The following NBEA variants were observed in gnomAD, a reference collection of about 807,000 sequenced individuals.
NBEA encodes lysosomal-trafficking regulator 2.
NBEA carries 44 observed loss-of-function variants against 343.4 expected under a neutral mutation model. The observed-to-expected ratio is 0.13, with a 90% CI of 0.10 to 0.16. The LOEUF is 0.16. Among genes scored for constraint, NBEA ranks in the 10% least tolerant of loss-of-function variants. The probability of loss-of-function intolerance (pLI) is 1.00; values close to 1 mark genes in which losing one functional copy is unlikely to be tolerated. For missense variants in NBEA, 2,555 were observed against 3,631.3 expected, an observed-to-expected ratio of 0.70 and a Z score of 7.62; for synonymous variants, 1,175 against 1,238.7, an observed-to-expected ratio of 0.95 and a Z score of 1.08.
At chr13:35,118,659 T>A (rs2066630156) in intron 16 of NBEA, among the ~76,000 whole-genome samples, 185 bp downstream of exon 16, 1 of 152,048 alleles carries the variant, frequency 6.6e-6, no homozygotes, top group Non-Finnish European at 1.5e-5. Context: ...TAAACAGTAG[T>A]CTCAGGAATC....
At chr13:34,978,033 T>G (rs972559032) in intron 1 of NBEA, among the ~76,000 whole-genome samples, 3 of 152,038 alleles carry the variant, frequency 2.0e-5, no homozygotes, top group Non-Finnish European at 4.4e-5. Flanking sequence ...ACTCAAACTC[T>G]TAGTCTCAAG....
intron 11 of NBEA, among the ~76,000 whole-genome samples, chr13:35,108,031 A>G (rs1391582899): frequency 6.6e-6 from 1 of 152,246 alleles, no homozygotes; most frequent in Middle Eastern, 3.4e-3. Flanking sequence ...GCTTAAGTCA[A>G]ATATATTGAG....
intron 35 of NBEA, among the ~76,000 whole-genome samples, chr13:35,304,600 G>A (rs187503303): frequency 6.6e-6 from 1 of 152,180 alleles, no homozygotes; most frequent in Admixed American, 6.5e-5. Flanking sequence ...GTTTTCATAA[G>A]TCTTCTGTGT....
intron 17 of NBEA, among the ~76,000 whole-genome samples, chr13:35,137,845 TAGAA>T (rs2067830439): frequency 6.6e-6 from 1 of 152,018 alleles, no homozygotes; most frequent in Non-Finnish European, 1.5e-5. Flanking sequence ...AATGCTATAG[TAGAA>T]AGAATGAGTA....
rs533560716 is a variant in NBEA, at chr13:35,280,963, G to T, written c.5777-9426G>T. ...ACTAGAAGTGTTTTTTTAAAATTAC[G>T]AAGTGACTCACATACTGACTTCTTT... is the stretch of plus-strand genomic sequence containing the variant. On this transcript the variant is annotated intron_variant, in intron 34 of 58. Transcript: ENST00000379939. Among the ~76,000 whole-genome samples the T allele has an allele frequency of 5.9e-5, 9 of 151,784 alleles. No homozygotes were observed. The South Asian group carries it at 1.9e-3, about 32-fold the overall frequency.
At position 35,646,108 on chromosome 13, in the gene NBEA, G is replaced by A. The variant is rs1402680347; in HGVS notation, c.7681-151G>A. 5.7e-6 allele frequency: 4 copies of A among 704,478 alleles called. No individual in the cohort carries two copies. In the East Asian group the frequency reaches 1.1e-4, roughly 19 times the overall value. 43.6% of individuals were successfully genotyped at this position (704,478 alleles called of 1,614,324 possible). A position where few individuals can be genotyped will look rare whatever the true frequency, so the allele number is the denominator to read the frequency against. The stretch of plus-strand genomic sequence containing the variant: ...CTTGTCTACAAAATACTAACACTTG[G>A]ATGATTCTGCACCCTGAGAAAAGAG... On this transcript the variant is annotated intron_variant, in intron 50 of 58. Transcript: ENST00000379939.
At chr13:35,642,892 C>A (rs971157450) in intron 49 of NBEA, among the ~76,000 whole-genome samples, 1 of 150,806 alleles carries the variant, frequency 6.6e-6, no homozygotes, top group African/African-American at 2.4e-5. Flanking sequence ...TTTCATTTTA[C>A]CAGTATCATT....
intron 35 of NBEA, among the ~76,000 whole-genome samples, chr13:35,299,497 A>G (rs1321631980): frequency 2.6e-5 from 4 of 152,186 alleles, no homozygotes; most frequent in African/African-American, 9.7e-5. Flanking sequence ...TTTGTCTTCA[A>G]AGTGTTTAGT....
At chr13:35,102,414 C>CAT (rs200197300) in intron 11 of NBEA, among the ~76,000 whole-genome samples, 11 of 151,240 alleles carry the variant, frequency 7.3e-5, no homozygotes, top group African/African-American at 2.7e-4. Flanking sequence ...TTTCCATTTC[C>CAT]ATATATATAT....
chr13:35,003,180 C>T (rs575719883), intron 1 of NBEA, among the ~76,000 whole-genome samples: 53 of 152,088 alleles, frequency 3.5e-4, no homozygotes, highest in African/African-American at 1.3e-3. Flanking sequence ...TAGTATGAGC[C>T]TGGGCAATAT....
rs747690041 is a variant in NBEA at position 34,943,061 on chromosome 13, A to G, written c.241A>G (p.Ile81Val). The part of the protein sequence containing the change: ...RMKFAVLIGL[I>V]QVGEVSNRDI... ...GAAATTCGCAGTGTTGATTGGACTCATACAGGTCGGAGAGGTCAGCAACAG... is the reference window on the plus strand; with the variant it reads ...GAAATTCGCAGTGTTGATTGGACTCGTACAGGTCGGAGAGGTCAGCAACAG... The change falls in exon 1 of 59, where the codon ATA becomes GTA. Residue 81 changes from isoleucine (I) to valine (V), a missense_variant. Physicochemically the swap from Ile to Val is conservative, Grantham distance 29 (BLOSUM62 3). This residue lies in a region of NBEA where 185 missense variants were observed against 290.6 expected (regional missense o/e 0.64). Transcript: ENST00000379939. The G allele has an allele frequency of 6.2e-7, 1 of 1,613,734 alleles. No individual in the cohort carries two copies. The highest frequency in any genetic ancestry group is 8.5e-7 in the Non-Finnish European group (1 of 1,179,786).
At chr13:35,326,334 C>T (rs1394390169) in intron 36 of NBEA, among the ~76,000 whole-genome samples, 1 of 151,800 alleles carries the variant, frequency 6.6e-6, no homozygotes, top group Non-Finnish European at 1.5e-5. Context: ...TATTGTTATC[C>T]TTGTAGAGAT....
chr13:35,110,438 G>A (rs2066144001), intron 12 of NBEA, among the ~76,000 whole-genome samples: 1 of 152,042 alleles, frequency 6.6e-6, no homozygotes, highest in Non-Finnish European at 1.5e-5. Flanking sequence ...GCTGACTGAT[G>A]TTCTATTGCT....
At chr13:35,551,375 C>A (rs2079315932) in intron 43 of NBEA, among the ~76,000 whole-genome samples, 1 of 151,982 alleles carries the variant, frequency 6.6e-6, no homozygotes, top group African/African-American at 2.4e-5. Flanking sequence ...TATGTAATAG[C>A]ATATAAATAA....
At chr13:34,980,548 T>C (rs938434798) in intron 1 of NBEA, among the ~76,000 whole-genome samples, 1 of 152,048 alleles carries the variant, frequency 6.6e-6, no homozygotes, top group Non-Finnish European at 1.5e-5. Flanking sequence ...TTAATCCTAA[T>C]GCAACATTCT....
At chr13:35,223,469 T>A (rs2074486938) in intron 33 of NBEA, among the ~76,000 whole-genome samples, 1 of 152,246 alleles carries the variant, frequency 6.6e-6, no homozygotes, top group Non-Finnish European at 1.5e-5. Flanking sequence ...TCATTTCTTC[T>A]GGCTTGCACA....
chr13:35,648,180 CTTTTTTTTTTTTT>C (rs949635885), intron 51 of NBEA, among the ~76,000 whole-genome samples: 8 of 104,154 alleles, frequency 7.7e-5, no homozygotes, highest in Non-Finnish European at 1.4e-4. Context: ...TGTTTAAACT[CTTTTTTTTTTTTT>C]TTTTTTTTTT....
chr13:35,651,788 C>CT lies in NBEA; in HGVS notation c.7964-10dup, dbSNP rs1566463140. Reference sequence around the variant, plus strand: ...GAGAATTTTATGTTAGTTTTTCTCTCTTTTTTTAATCTTTAGGCCTCAGAG... The same window carrying CT: ...GAGAATTTTATGTTAGTTTTTCTCTCTTTTTTTTAATCTTTAGGCCTCAGAG... On this transcript the variant is annotated splice_polypyrimidine_tract_variant and intron_variant, in intron 52 of 58. Coordinates refer to ENST00000379939, the MANE Select transcript of NBEA (RefSeq NM_001385012.1). 4.1e-6 allele frequency: 6 copies of CT among 1,478,786 alleles called. No homozygotes were observed. In the East Asian group the frequency reaches 7.4e-5, roughly 18 times the overall value. The allele number at this position is 1,478,786 out of a possible 1,614,324, so 91.6% of individuals were successfully genotyped here. A position where few individuals can be genotyped will look rare whatever the true frequency, so the allele number is the denominator to read the frequency against.
chr13:35,226,809 C>T (rs1261738092), intron 33 of NBEA, among the ~76,000 whole-genome samples: 1 of 151,612 alleles, frequency 6.6e-6, no homozygotes, highest in Non-Finnish European at 1.5e-5. Flanking sequence ...GATCATGGCA[C>T]ACAACAGCTC....
Sources: gnomAD v4.1 joint callset for allele counts (sites outside exome capture counted in the v4.1 genomes callset) on GRCh38, gnomAD v4.1.1 for gene constraint, gnomAD v4.1.1 regional missense constraint, MANE v1.5 for transcripts, NCBI Gene and HGNC (gene_info 2026-07-23, HGNC 2026-07-21) for gene names.